CSMD1: variants seen among roughly 807,000 people sequenced by gnomAD.
The protein encoded by CSMD1 is CUB and Sushi multiple domains 1, also known as CUB and sushi domain-containing protein 1.
In CSMD1, 213 loss-of-function variants were observed where a neutral mutation model predicts 417.5. The ratio of observed to expected loss-of-function variants is 0.51; its 90% confidence interval spans 0.46 to 0.57. The LOEUF (loss-of-function observed/expected upper bound fraction) is 0.57, where lower values mean the gene tolerates loss of function less well. Among genes scored for constraint, CSMD1 ranks in the 20% least tolerant of loss-of-function variants. The pLI is 0.00. For synonymous variants in CSMD1, 2,862 were observed against 1,736.8 expected (o/e 1.65, Z -16.11); for missense variants, 6,923 against 4,529.7 (o/e 1.53, Z -15.17).
chr8:4,414,575 T>G (rs1426925730), intron 3 of CSMD1, among the ~76,000 whole-genome samples: 1 of 152,112 alleles, frequency 6.6e-6, no homozygotes, highest in Non-Finnish European at 1.5e-5. Context: ...ATATAATCTC[T>G]TTATCTTTAA....
At chr8:2,983,049 G>T (rs891309569) in intron 54 of CSMD1, among the ~76,000 whole-genome samples, 4 of 152,130 alleles carry the variant, frequency 2.6e-5, no homozygotes, top group African/African-American at 4.8e-5. Flanking sequence ...CCTGTTATGT[G>T]ATGAGGAAAC....
chr8:4,019,132 C>A (rs546146979), intron 4 of CSMD1, among the ~76,000 whole-genome samples: 1 of 152,096 alleles, frequency 6.6e-6, no homozygotes, highest in South Asian at 2.1e-4. Context: ...GCCATGGTAT[C>A]GTAAGACTTA....
At chr8:4,329,869 CACACAG>C (rs943651817) in intron 3 of CSMD1, among the ~76,000 whole-genome samples, 6 of 141,054 alleles carry the variant, frequency 4.3e-5, no homozygotes, top group African/African-American at 1.9e-4. Context: ...CACACACACA[CACACAG>C]ACACACACAC....
rs1166466444 is a variant in CSMD1, at chr8:2,937,207, A to C, written c.*1378T>G. ...ATCATTTACCTATAATGGAATTTAA[A>C]CTTGAAAAGTCACTGAAATTACCTT... On this transcript the variant is annotated 3_prime_UTR_variant, in exon 70 of 70. Transcript: ENST00000635120. The C allele has an allele frequency of 6.6e-6, 1 of 152,122 alleles. No homozygotes were observed. Among genetic ancestry groups the C allele is most frequent in the East Asian group, 1.9e-4 (1 of 5,204 alleles). The allele number at this position is 152,122 out of a possible 1,614,324, so 9.4% of individuals were successfully genotyped here.
rs573258245 is a variant in CSMD1 at position 3,762,196 on chromosome 8, C to T, written c.819-8154G>A. Reference sequence around the variant, plus strand: ...CAGAAACAGCTGACTTCATGCAGGGCGCCATGCAAAGCCCCATGTGCCCTC... The same window carrying T: ...CAGAAACAGCTGACTTCATGCAGGGTGCCATGCAAAGCCCCATGTGCCCTC... On this transcript the variant is annotated intron_variant, in intron 5 of 69. Transcript: ENST00000635120. Among the ~76,000 whole-genome samples the T allele has an allele frequency of 3.6e-4, 55 of 152,238 alleles. No homozygotes were observed. The South Asian group carries it at 3.7e-3, about 10-fold the overall frequency.
chr8:4,309,111 T>G (rs1360737376), intron 3 of CSMD1, among the ~76,000 whole-genome samples: 1 of 152,212 alleles, frequency 6.6e-6, no homozygotes, highest in Non-Finnish European at 1.5e-5. Flanking sequence ...CTATCTAGTT[T>G]AATCAATGTC....
At chr8:4,677,350 T>C (rs1395350232) in intron 1 of CSMD1, among the ~76,000 whole-genome samples, 1 of 152,076 alleles carries the variant, frequency 6.6e-6, no homozygotes, top group East Asian at 1.9e-4. Context: ...ATGTGCTACC[T>C]ATTTATTTAT....
At chr8:3,729,064 T>G (rs1802663069) in intron 6 of CSMD1, among the ~76,000 whole-genome samples, 1 of 152,152 alleles carries the variant, frequency 6.6e-6, no homozygotes, top group South Asian at 2.1e-4. Flanking sequence ...TGGCCGTAAT[T>G]CTCCACGTGA....
chr8:3,525,517 G>A (rs576228785), intron 10 of CSMD1, among the ~76,000 whole-genome samples: 1 of 152,294 alleles, frequency 6.6e-6, no homozygotes, highest in East Asian at 1.9e-4. Flanking sequence ...CCCTGACACT[G>A]ATTTTACTCT....
intron 5 of CSMD1, among the ~76,000 whole-genome samples, chr8:3,994,363 G>T (rs148205100): frequency 6.7e-6 from 1 of 148,338 alleles, no homozygotes; most frequent in Admixed American, 6.8e-5. Flanking sequence ...ACCATAGAGG[G>T]AGAACTCAGA....
rs571829553 is a variant in CSMD1, at chr8:4,119,559, G to T, written c.416-87460C>A. Among the ~76,000 whole-genome samples the T allele has an allele frequency of 3.4e-4, 51 of 148,936 alleles. 1 individual carries two copies. In the South Asian group the frequency reaches 0.01, roughly 29 times the overall value. On this transcript the variant is annotated intron_variant, in intron 3 of 69. Coordinates refer to ENST00000635120, the MANE Select transcript of CSMD1 (RefSeq NM_033225.6). Reference sequence around the variant, plus strand: ...ACCAAGTTTAGATGAGGCCTTAAGGGTGTAGACCAGAGGATAATAGTAGTG... The same window carrying T: ...ACCAAGTTTAGATGAGGCCTTAAGGTTGTAGACCAGAGGATAATAGTAGTG...
chr8:3,498,311 T>C (rs756812225), intron 10 of CSMD1, among the ~76,000 whole-genome samples: 1 of 152,228 alleles, frequency 6.6e-6, no homozygotes, highest in Non-Finnish European at 1.5e-5. Flanking sequence ...TATGTGGTAC[T>C]TTGATACATG....
intron 3 of CSMD1, among the ~76,000 whole-genome samples, chr8:4,202,422 A>G (rs1450787042): frequency 1.3e-5 from 2 of 152,182 alleles, no homozygotes; most frequent in East Asian, 3.9e-4. Context: ...GAATGGAAGA[A>G]TGTAGAGGTC....
At chr8:3,534,642 A>G (rs1798116507) in intron 10 of CSMD1, among the ~76,000 whole-genome samples, 1 of 152,208 alleles carries the variant, frequency 6.6e-6, no homozygotes, top group Non-Finnish European at 1.5e-5. Flanking sequence ...TATCTTGGGA[A>G]TGCCATTTCC....
intron 3 of CSMD1, among the ~76,000 whole-genome samples, chr8:4,044,648 G>T (rs6988830): frequency 0.033 from 4,186 of 126,686 alleles, 194 homozygotes; most frequent in African/African-American, 0.11. Flanking sequence ...CACCCTGTAC[G>T]TGTACCACCC....
intron 1 of CSMD1, among the ~76,000 whole-genome samples, chr8:4,724,639 G>A (rs1166122977): frequency 2.0e-5 from 3 of 151,838 alleles, no homozygotes; most frequent in African/African-American, 4.8e-5. Context: ...AAAAATAAAT[G>A]TAAGTTTCAC....
chr8:4,236,046 T>TGTTTTTG (rs1802034650), intron 3 of CSMD1, among the ~76,000 whole-genome samples: 1 of 40,368 alleles, frequency 2.5e-5, no homozygotes, highest in Non-Finnish European at 7.5e-5. Flanking sequence ...TTTGTTTTTT[T>TGTTTTTG]TTTTTTTTTT....
intron 3 of CSMD1, among the ~76,000 whole-genome samples, chr8:4,046,988 C>T (rs1009521341): frequency 6.6e-6 from 1 of 152,166 alleles, no homozygotes; most frequent in Non-Finnish European, 1.5e-5. Context: ...CTTTCCAGAA[C>T]CCTCCCTGAT....
chr8:3,658,573 A>G (rs988945571), intron 7 of CSMD1, among the ~76,000 whole-genome samples: 4 of 151,670 alleles, frequency 2.6e-5, no homozygotes, highest in Non-Finnish European at 4.4e-5. Flanking sequence ...ACTTGAGGTC[A>G]GGAGTTTGAG....
Sources: gnomAD v4.1 joint callset for allele counts (sites outside exome capture counted in the v4.1 genomes callset) on GRCh38, gnomAD v4.1.1 for gene constraint, MANE v1.5 for transcripts, NCBI Gene and HGNC (gene_info 2026-07-23, HGNC 2026-07-21) for gene names.